The following GPC6 variants were observed in gnomAD, a reference collection of about 807,000 sequenced individuals.
The protein encoded by GPC6 is glypican-6.
A neutral mutation model predicts 55.2 loss-of-function variants in GPC6; 14 were observed. The observed-to-expected ratio is 0.25, with a 90% CI of 0.17 to 0.40. The LOEUF (loss-of-function observed/expected upper bound fraction) is 0.40, where lower values mean the gene tolerates loss of function less well. Among genes scored for constraint, GPC6 ranks in the 10% least tolerant of loss-of-function variants. The pLI, the probability that GPC6 is intolerant of heterozygous loss-of-function variation, is 1.00. For missense variants in GPC6, 641 were observed against 708.5 expected, an observed-to-expected ratio of 0.90 and a Z score of 1.08; for synonymous variants, 278 against 259.6, an observed-to-expected ratio of 1.07 and a Z score of -0.68.
chr13:93,507,061 C>CAAAA (rs56368708), intron 1 of GPC6, among the ~76,000 whole-genome samples: 7 of 52,134 alleles, frequency 1.3e-4, no homozygotes, highest in Admixed American at 4.0e-4. Context: ...GACTCCGTCT[C>CAAAA]AAAAAAAAAA....
intron 1 of GPC6, among the ~76,000 whole-genome samples, chr13:93,343,233 C>T (rs770993866): frequency 6.6e-5 from 10 of 151,794 alleles, no homozygotes; most frequent in African/African-American, 1.9e-4. Context: ...TTACATAACC[C>T]GGAATAATTT....
At chr13:93,540,479 A>T (rs571396356) in intron 1 of GPC6, among the ~76,000 whole-genome samples, 2 of 152,212 alleles carry the variant, frequency 1.3e-5, no homozygotes, top group Admixed American at 6.5e-5. Flanking sequence ...TTAAAAATAC[A>T]TATATATTTA....
At chr13:93,599,246 C>A (rs1294060384) in intron 2 of GPC6, among the ~76,000 whole-genome samples, 1 of 150,094 alleles carries the variant, frequency 6.7e-6, no homozygotes, top group African/African-American at 2.5e-5. Flanking sequence ...ATTTTTCAAG[C>A]TTCATTTTGA....
rs201190270 is a variant in GPC6 at position 93,309,365 on chromosome 13, A to AT, written c.160+81756dup. On this transcript the variant is annotated intron_variant, in intron 1 of 8. Coordinates refer to ENST00000377047, the MANE Select transcript of GPC6 (RefSeq NM_005708.5). Reference sequence around the variant, plus strand: ...CATAGCGATAATTCATGATGTTGCTATTTTTTTGGTTAGCATGAATATACA... The same window carrying AT: ...CATAGCGATAATTCATGATGTTGCTATTTTTTTTGGTTAGCATGAATATACA... Among the ~76,000 whole-genome samples the AT allele has an allele frequency of 9.2e-3, 1,392 of 152,108 alleles. 14 individuals are homozygous for AT. Among genetic ancestry groups the AT allele is most frequent in the Admixed American group, 0.013 (205 of 15,268 alleles).
chr13:93,752,902 C>T (rs1566517934), intron 2 of GPC6, among the ~76,000 whole-genome samples: 1 of 152,190 alleles, frequency 6.6e-6, no homozygotes, highest in Non-Finnish European at 1.5e-5. Context: ...CAGCGGGTTG[C>T]ACAACATTAA....
chr13:94,317,778 T>G (rs899763519), intron 6 of GPC6, among the ~76,000 whole-genome samples: 2 of 152,172 alleles, frequency 1.3e-5, no homozygotes, highest in Admixed American at 1.3e-4. Context: ...ATTTAGGAAT[T>G]TTTTTAAGAA....
At chr13:94,227,829 C>G (rs1028343772) in intron 4 of GPC6, among the ~76,000 whole-genome samples, 1 of 152,072 alleles carries the variant, frequency 6.6e-6, no homozygotes, top group Non-Finnish European at 1.5e-5. Flanking sequence ...TGAACACTGC[C>G]AATCACCGAG....
At chr13:93,792,830 T>A (rs1886087598) in intron 2 of GPC6, among the ~76,000 whole-genome samples, 1 of 152,120 alleles carries the variant, frequency 6.6e-6, no homozygotes, top group Non-Finnish European at 1.5e-5. Context: ...GGTGAGCTTC[T>A]CAGGACAGGC....
intron 2 of GPC6, among the ~76,000 whole-genome samples, chr13:93,732,926 T>G (rs537848683): frequency 6.6e-6 from 1 of 152,268 alleles, no homozygotes; most frequent in East Asian, 1.9e-4. Flanking sequence ...TTTACGTTGT[T>G]TTTTTTCTGT....
intron 1 of GPC6, among the ~76,000 whole-genome samples, chr13:93,372,769 T>G (rs1029187561): frequency 6.6e-6 from 1 of 152,176 alleles, no homozygotes; most frequent in East Asian, 1.9e-4. Flanking sequence ...CTTTATAATA[T>G]CAGACATACT....
chr13:94,305,987 A>T lies in GPC6; in HGVS notation c.1016A>T (p.Gln339Leu), dbSNP rs779777837. ...NSMQVSAKVF[Q>L]GCGQPKPAPA... ...TTTCAATGGTTCTTCCAGGTCTTTCAGGGATGTGGTCAGCCCAAACCTGCT... is the reference window on the plus strand; with the variant it reads ...TTTCAATGGTTCTTCCAGGTCTTTCTGGGATGTGGTCAGCCCAAACCTGCT... Residue 339 changes from glutamine to leucine, a missense_variant, in exon 6 of 9, where the codon CAG becomes CTG. Transcript: ENST00000377047. 6.2e-7 allele frequency: 1 copy of T among 1,614,070 alleles called. No homozygotes were observed. The highest frequency in any genetic ancestry group is 2.2e-5 in the East Asian group (1 of 44,874).
chr13:93,314,908 T>C (rs1163566956), intron 1 of GPC6, among the ~76,000 whole-genome samples: 3 of 152,158 alleles, frequency 2.0e-5, no homozygotes, highest in Admixed American at 2.0e-4. Flanking sequence ...TTTGTTTGTT[T>C]GTTTGTTTTT....
At chr13:93,526,653 G>A (rs946200450) in intron 1 of GPC6, among the ~76,000 whole-genome samples, 3 of 152,062 alleles carry the variant, frequency 2.0e-5, no homozygotes, top group Non-Finnish European at 4.4e-5. Context: ...ATAGGCTGAA[G>A]TTAACTTTTC....
intron 1 of GPC6, among the ~76,000 whole-genome samples, chr13:93,370,439 T>C (rs959914824): frequency 1.1e-4 from 16 of 152,150 alleles, no homozygotes; most frequent in African/African-American, 3.9e-4. Context: ...TTTAAAACTG[T>C]TCTATTCTTT....
intron 1 of GPC6, among the ~76,000 whole-genome samples, chr13:93,477,296 A>G (rs1879335544): frequency 6.6e-6 from 1 of 152,182 alleles, no homozygotes; most frequent in Admixed American, 6.5e-5. Flanking sequence ...GTAAATTCAA[A>G]TTGTGTAGTT....
intron 2 of GPC6, among the ~76,000 whole-genome samples, chr13:93,657,940 A>T (rs1344263326): frequency 6.6e-6 from 1 of 152,010 alleles, no homozygotes; most frequent in Non-Finnish European, 1.5e-5. Flanking sequence ...TATTTAAAAT[A>T]AAAAAATAAC....
intron 4 of GPC6, among the ~76,000 whole-genome samples, chr13:94,263,913 T>C (rs1891720333): frequency 6.6e-6 from 1 of 152,210 alleles, no homozygotes; most frequent in African/African-American, 2.4e-5. Context: ...GCCATTGATT[T>C]TGACACCACC....
intron 4 of GPC6, among the ~76,000 whole-genome samples, chr13:94,146,921 T>C (rs977681352): frequency 3.3e-5 from 5 of 152,176 alleles, no homozygotes; most frequent in Non-Finnish European, 7.4e-5. Flanking sequence ...ATTTCCACTG[T>C]TAACAGAAAA....
At chr13:94,226,619 C>T (rs1308432830) in intron 4 of GPC6, among the ~76,000 whole-genome samples, 2 of 152,124 alleles carry the variant, frequency 1.3e-5, no homozygotes, top group African/African-American at 2.4e-5. Flanking sequence ...ATACTTGGGT[C>T]TAAAGAAACA....
Sources: gnomAD v4.1 joint callset for allele counts (sites outside exome capture counted in the v4.1 genomes callset) on GRCh38, gnomAD v4.1.1 for gene constraint, MANE v1.5 for transcripts, NCBI Gene and HGNC (gene_info 2026-07-23, HGNC 2026-07-21) for gene names.